The following NSMAF variants were observed in gnomAD, a reference collection of about 807,000 sequenced individuals.
NSMAF encodes the protein protein FAN.
Under a neutral mutation model 134.9 loss-of-function variants are expected in NSMAF, and 90 were observed. That is an observed-to-expected ratio of 0.67 (90% confidence interval 0.56 to 0.79). NSMAF has a LOEUF of 0.79. NSMAF is among the 30% of genes least tolerant of loss of function. NSMAF has a pLI of 0.00. For missense variants in NSMAF, 1,010 were observed against 1,119.0 expected, an observed-to-expected ratio of 0.90 and a Z score of 1.39; for synonymous variants, 358 against 389.6, an observed-to-expected ratio of 0.92 and a Z score of 0.96.
chr8:58,588,464 A>T (rs997787180), intron 26 of NSMAF: 1 of 1,227,928 alleles, frequency 8.1e-7, no homozygotes, highest in African/African-American at 1.4e-5. Context: ...GCAGGTCTAA[A>T]TTGGGGTGGG....
At chr8:58,638,650 G>A (rs1002815600) in intron 2 of NSMAF, among the ~76,000 whole-genome samples, 4 of 152,066 alleles carry the variant, frequency 2.6e-5, no homozygotes, top group Admixed American at 6.6e-5. Flanking sequence ...AGACTTAAAT[G>A]TAAGTCCTGA....
chr8:58,646,624 AGT>A (rs1192134293), intron 1 of NSMAF, among the ~76,000 whole-genome samples: 3 of 152,166 alleles, frequency 2.0e-5, no homozygotes, highest in African/African-American at 7.2e-5. Context: ...TTTTTACTAA[AGT>A]GTTGTTATAC....
At chr8:58,586,721 G>A in intron 27 of NSMAF, 113 bp from the exon 28 acceptor site, 1 of 807,666 alleles carries the variant, frequency 1.2e-6, no homozygotes, top group Middle Eastern at 3.4e-4. Flanking sequence ...ACTCTATTGT[G>A]CAGTATGCCG....
chr8:58,583,693 G>A lies in NSMAF; in HGVS notation c.*413C>T. ...ACCCAAAACCCGATGGGTGGCAATT[G>A]TGATAGATTAGGAAGACAAAACAGA... On this transcript the variant is annotated 3_prime_UTR_variant, in exon 31 of 31. Coordinates refer to ENST00000038176, the MANE Select transcript of NSMAF (RefSeq NM_003580.4). 4.4e-6 allele frequency: 1 copy of A among 229,272 alleles called. No homozygotes were observed. Among genetic ancestry groups the A allele is most frequent in the Non-Finnish European group, 8.6e-6 (1 of 115,894 alleles). The allele number at this position is 229,272 out of a possible 1,614,324, so 14.2% of individuals were successfully genotyped here.
chr8:58,590,088 G>T lies in NSMAF; in HGVS notation c.2020-14C>A. On this transcript the variant is annotated splice_polypyrimidine_tract_variant and intron_variant, in intron 24 of 30. Coordinates refer to ENST00000038176, the MANE Select transcript of NSMAF (RefSeq NM_003580.4). ...AGACGATAAAGCCTGAAATACAAAT[G>T]ATTTGACGTTAACAATCTATAATAA... 6.2e-7 allele frequency: 1 copy of T among 1,607,000 alleles called. No homozygotes were observed. The highest frequency in any genetic ancestry group is 8.5e-7 in the Non-Finnish European group (1 of 1,173,534).
chr8:58,616,481 A>T (rs2129143335), intron 9 of NSMAF, among the ~76,000 whole-genome samples: 1 of 152,278 alleles, frequency 6.6e-6, no homozygotes, highest in South Asian at 2.1e-4. Flanking sequence ...AATTCAAAAC[A>T]TTAACAGAAT....
intron 23 of NSMAF, among the ~76,000 whole-genome samples, chr8:58,591,414 T>C (rs955579664): frequency 6.6e-6 from 1 of 152,008 alleles, no homozygotes; most frequent in Non-Finnish European, 1.5e-5. Context: ...CCACTGACTT[T>C]CTAAATAATA....
Position 58,599,345 on chromosome 8 carries a change from T to C in NSMAF, c.1472A>G (p.Gln491Arg), listed in dbSNP as rs775851258. ...GCTTTCCAATGCATCTTTGCTCTTC[T>C]GGAGAAAGTCCTCGGGACCTATTAG... ...PWASSPEDFL[Q>R]KSKDALESNY... The change falls in exon 19 of 31, where the codon CAG becomes CGG. Residue 491 changes from glutamine to arginine, a missense_variant. Transcript: ENST00000038176. 6.2e-7 allele frequency: 1 copy of C among 1,614,090 alleles called. No individual in the cohort carries two copies. Among genetic ancestry groups the C allele is most frequent in the African/African-American group, 1.3e-5 (1 of 75,056 alleles).
At chr8:58,650,427 T>C (rs1237388458) in intron 1 of NSMAF, among the ~76,000 whole-genome samples, 2 of 151,978 alleles carry the variant, frequency 1.3e-5, no homozygotes, top group Non-Finnish European at 2.9e-5. Flanking sequence ...CAACCATTCT[T>C]TATTTGCTAG....
At chr8:58,597,316 C>T (rs1806158973) in intron 21 of NSMAF, 71 bp downstream of exon 21, 1 of 1,378,978 alleles carries the variant, frequency 7.3e-7, no homozygotes, top group Non-Finnish European at 1.0e-6. Flanking sequence ...GTCTTATCTC[C>T]TCTTCAGAAA....
chr8:58,643,203 T>C, intron 1 of NSMAF, 130 bp from the exon 2 acceptor site: 1 of 702,542 alleles, frequency 1.4e-6, no homozygotes, highest in Non-Finnish European at 2.5e-6. Flanking sequence ...GAAGCATGTA[T>C]ATCATGCCAG....
At chr8:58,646,561 A>T (rs74799426) in intron 1 of NSMAF, among the ~76,000 whole-genome samples, 2,036 of 152,290 alleles carry the variant, frequency 0.013, 50 homozygotes, top group African/African-American at 0.046. Flanking sequence ...GATATAACCA[A>T]ATCATATTGT....
intron 1 of NSMAF, among the ~76,000 whole-genome samples, chr8:58,647,452 G>A (rs748044215): frequency 9.2e-5 from 14 of 152,202 alleles, no homozygotes; most frequent in Admixed American, 2.6e-4. Context: ...CAGTGATATA[G>A]TTTGGATGTT....
At chr8:58,655,426 G>T (rs910269486) in intron 1 of NSMAF, among the ~76,000 whole-genome samples, 1 of 150,250 alleles carries the variant, frequency 6.7e-6, no homozygotes, top group African/African-American at 2.5e-5. Flanking sequence ...TTGCGATAGG[G>T]TCTCACTGTG....
intron 24 of NSMAF, 91 bp downstream of exon 24, chr8:58,590,776 G>A: frequency 7.8e-7 from 1 of 1,281,434 alleles, no homozygotes; most frequent in Non-Finnish European, 1.1e-6. Context: ...AAACTCAATT[G>A]TTTTGGGAGA....
intron 23 of NSMAF, among the ~76,000 whole-genome samples, chr8:58,592,216 G>A (rs866682911): frequency 2.6e-5 from 4 of 152,138 alleles, no homozygotes; most frequent in South Asian, 2.1e-4. Flanking sequence ...GAAACCAGTC[G>A]GTTCTATAAA....
intron 9 of NSMAF, among the ~76,000 whole-genome samples, chr8:58,616,055 C>A (rs1363070902): frequency 6.6e-6 from 1 of 152,010 alleles, no homozygotes; most frequent in Non-Finnish European, 1.5e-5. Flanking sequence ...ATGAAATGGA[C>A]AATTTATTTG....
intron 6 of NSMAF, 44 bp from the exon 7 acceptor site, chr8:58,623,824 T>C: frequency 6.1e-6 from 9 of 1,475,556 alleles, no homozygotes; most frequent in Non-Finnish European, 8.5e-6. Flanking sequence ...AGAGAAGAAG[T>C]GTGCCAAACT....
chr8:58,642,256 T>C (rs1220222315), intron 2 of NSMAF, among the ~76,000 whole-genome samples: 1 of 152,216 alleles, frequency 6.6e-6, no homozygotes, highest in Non-Finnish European at 1.5e-5. Flanking sequence ...TGGCTTACAG[T>C]TGTTAAGTAA....
Sources: gnomAD v4.1 joint callset for allele counts (sites outside exome capture counted in the v4.1 genomes callset) on GRCh38, gnomAD v4.1.1 for gene constraint, MANE v1.5 for transcripts, NCBI Gene and HGNC (gene_info 2026-07-23, HGNC 2026-07-21) for gene names.